Variants in FMN2 observed in about 807,000 individuals in gnomAD.
FMN2 encodes formin-2.
Under a neutral mutation model 142.3 loss-of-function variants are expected in FMN2, and 51 were observed. That is an observed-to-expected ratio of 0.36 (90% CI 0.29 to 0.45). The LOEUF is 0.45. Ranked by LOEUF, FMN2 falls within the 20% of genes least tolerant of loss-of-function variation. FMN2 has a pLI of 1.00. For missense variants in FMN2, 1,936 were observed against 2,122.8 expected, an observed-to-expected ratio of 0.91 and a Z score of 1.73; for synonymous variants, 882 against 869.8, an observed-to-expected ratio of 1.01 and a Z score of -0.25.
At position 240,473,721 on chromosome 1, in the gene FMN2, G is replaced by A. The variant is rs1279242788; in HGVS notation, c.5143-407G>A. 6.6e-6 allele frequency among the ~76,000 whole-genome samples: 1 copy of A among 152,064 alleles called. No individual in the cohort carries two copies. Among genetic ancestry groups the A allele is most frequent in the East Asian group, 1.9e-4 (1 of 5,184 alleles). On this transcript the variant is annotated intron_variant, in intron 17 of 17. Transcript: ENST00000319653. The surrounding 1 kb of genome is among the most constrained non-coding windows in gnomAD (Gnocchi z 4.3). Reference sequence around the variant, plus strand: ...TCTTATAACTGTATTGAATGTGGAGGAATAGTTACTTATTAGTGAACCTCA... The same window carrying A: ...TCTTATAACTGTATTGAATGTGGAGAAATAGTTACTTATTAGTGAACCTCA...
intron 16 of FMN2, among the ~76,000 whole-genome samples, chr1:240,448,633 T>C (rs1230526263): frequency 1.3e-5 from 2 of 152,004 alleles, no homozygotes; most frequent in African/African-American, 4.8e-5. Context: ...CTGGGAAACA[T>C]AGGGAGACCC....
chr1:240,201,860 T>C (rs1666137711), intron 4 of FMN2, among the ~76,000 whole-genome samples: 1 of 152,104 alleles, frequency 6.6e-6, no homozygotes, highest in Admixed American at 6.5e-5. Flanking sequence ...AATCAGGTGT[T>C]TTATGGGAAG....
chr1:240,144,271 G>C, intron 2 of FMN2: 2 of 1,603,080 alleles, frequency 1.2e-6, no homozygotes, highest in Non-Finnish European at 1.7e-6. Flanking sequence ...CCAGGTTCAT[G>C]CGGGCAGAGT....
chr1:240,464,374 AATTT>A (rs1193183554), intron 16 of FMN2, among the ~76,000 whole-genome samples: 1 of 152,118 alleles, frequency 6.6e-6, no homozygotes, highest in Non-Finnish European at 1.5e-5. Context: ...CCAGGGAATT[AATTT>A]GATTGGTCAA....
intron 1 of FMN2, among the ~76,000 whole-genome samples, chr1:240,103,659 C>G (rs2103180793): frequency 6.6e-6 from 1 of 152,090 alleles, no homozygotes; most frequent in Non-Finnish European, 1.5e-5. Context: ...TTATCTCTAC[C>G]CTTCCTAGTT....
In FMN2 at chr1:240,208,402, C is replaced by G; in HGVS notation, c.3590C>G (p.Pro1197Arg). The G allele has an allele frequency of 6.3e-7, 1 of 1,589,300 alleles. No individual in the cohort carries two copies. Among genetic ancestry groups the G allele is most frequent in the South Asian group, 1.1e-5 (1 of 90,170 alleles). ...CCTCTACCTGGAGTGGGAATACCTC[C>G]TCCGCCCCCTCTACCTGGTGCTGGG... ...PPPLPGVGIP[P>R]PPPLPGAGIP... is the part of the protein sequence containing the mutation. The change falls in exon 5 of 18, where the codon CCT becomes CGT. Residue 1197 changes from proline (P) to arginine (R), a missense_variant. This residue lies in a region of FMN2 where 259 missense variants were observed against 230.9 expected (regional missense o/e 1.12). Coordinates refer to ENST00000319653, the MANE Select transcript of FMN2 (RefSeq NM_020066.5).
chr1:240,242,757 A>G (rs74575566), intron 6 of FMN2, among the ~76,000 whole-genome samples: 1 of 152,154 alleles, frequency 6.6e-6, no homozygotes, highest in African/African-American at 2.4e-5. Flanking sequence ...AGACGCTTTC[A>G]CCCACACTAT....
chr1:240,396,601 G>A (rs759218852), intron 15 of FMN2, among the ~76,000 whole-genome samples: 3 of 152,064 alleles, frequency 2.0e-5, no homozygotes, highest in Non-Finnish European at 4.4e-5. Context: ...TTTTGAGCCC[G>A]TGATCCCCCT....
In FMN2 at chr1:240,472,867, C is replaced by A. The variant is rs369772206; in HGVS notation, c.5142+414C>A. Among the ~76,000 whole-genome samples the A allele has an allele frequency of 2.6e-5, 4 of 151,044 alleles. No homozygotes were observed. The East Asian group carries it at 5.8e-4, about 22-fold the overall frequency. On this transcript the variant is annotated intron_variant, in intron 17 of 17. Coordinates refer to ENST00000319653, the MANE Select transcript of FMN2 (RefSeq NM_020066.5). Reference sequence around the variant, plus strand: ...AGCTGAGGCAGAGGAATCGCTTGAACCTGGGAGGTGGAGATTGCAGTGAGC... The same window carrying A: ...AGCTGAGGCAGAGGAATCGCTTGAAACTGGGAGGTGGAGATTGCAGTGAGC...
At chr1:240,330,090 C>T (rs989491080) in intron 10 of FMN2, among the ~76,000 whole-genome samples, 32 of 152,152 alleles carry the variant, frequency 2.1e-4, no homozygotes, top group Non-Finnish European at 4.1e-4. Flanking sequence ...TCAAGTTAAA[C>T]ACAGTGTTTT....
intron 6 of FMN2, among the ~76,000 whole-genome samples, chr1:240,229,471 A>T (rs1667462418): frequency 6.6e-6 from 1 of 152,074 alleles, no homozygotes; most frequent in Admixed American, 6.6e-5. Flanking sequence ...GTATTGATTT[A>T]TTGGTGACAG....
intron 7 of FMN2, among the ~76,000 whole-genome samples, chr1:240,285,908 T>C (rs534189078): frequency 1.3e-5 from 2 of 152,118 alleles, no homozygotes; most frequent in Admixed American, 6.6e-5. Flanking sequence ...TTCCTTTTTT[T>C]CCCCCGCTCT....
chr1:240,314,005 G>A (rs896160622), intron 8 of FMN2, among the ~76,000 whole-genome samples: 1 of 152,054 alleles, frequency 6.6e-6, no homozygotes, highest in African/African-American at 2.4e-5. Flanking sequence ...TTAACATCCT[G>A]AAAAATATTT....
intron 15 of FMN2, among the ~76,000 whole-genome samples, chr1:240,398,328 A>G (rs1673858896): frequency 6.6e-6 from 1 of 152,208 alleles, no homozygotes; most frequent in East Asian, 1.9e-4. Context: ...TATTCACTGA[A>G]CAGATATCAC....
chr1:240,131,538 C>T (rs1177366475), intron 2 of FMN2, among the ~76,000 whole-genome samples: 1 of 151,980 alleles, frequency 6.6e-6, no homozygotes, highest in African/African-American at 2.4e-5. Context: ...GTGAAACCCC[C>T]GCCTCTACTA....
At chr1:240,213,324 C>G (rs1326319448) in intron 6 of FMN2, among the ~76,000 whole-genome samples, 1 of 152,176 alleles carries the variant, frequency 6.6e-6, no homozygotes, top group East Asian at 1.9e-4. Flanking sequence ...TCCATCATGA[C>G]TCCAGATAAA....
rs1012752481 is a variant in FMN2, at chr1:240,190,726, C to T, written c.1986+2464C>T. ...ATGGGTAATCACCCGATGCCAAAAT[C>T]GTCAGATGAATGAGATGAGATTCTA... On this transcript the variant is annotated intron_variant, in intron 4 of 17. Coordinates refer to ENST00000319653, the MANE Select transcript of FMN2 (RefSeq NM_020066.5). 2.6e-5 allele frequency among the ~76,000 whole-genome samples: 4 copies of T among 152,042 alleles called. No individual in the cohort carries two copies. In the East Asian group the frequency reaches 5.8e-4, roughly 22 times the overall value.
chr1:240,183,575 G>C lies in FMN2; in HGVS notation c.1931-4632G>C, dbSNP rs770713867. Reference sequence around the variant, plus strand: ...TACATGTATATATACACACACACATGCCTACATATAGTTTTCATAAAATTG... The same window carrying C: ...TACATGTATATATACACACACACATCCCTACATATAGTTTTCATAAAATTG... On this transcript the variant is annotated intron_variant, in intron 3 of 17. Coordinates refer to ENST00000319653, the MANE Select transcript of FMN2 (RefSeq NM_020066.5). Among the ~76,000 whole-genome samples the C allele has an allele frequency of 2.6e-5, 4 of 151,010 alleles. No individual in the cohort carries two copies. The East Asian group carries it at 5.8e-4, about 22-fold the overall frequency.
chr1:240,188,388 G>C, intron 4 of FMN2, 126 bp downstream of exon 4: 1 of 860,750 alleles, frequency 1.2e-6, no homozygotes, highest in Non-Finnish European at 1.8e-6. Flanking sequence ...CCCTAAGCCT[G>C]CAGTGGAATC....
Sources: allele counts gnomAD v4.1 joint callset (sites outside exome capture counted in the v4.1 genomes callset), GRCh38; gene constraint gnomAD v4.1.1; regional missense constraint gnomAD v4.1.1; non-coding constraint Gnocchi (gnomAD v3.1); transcripts MANE v1.5; gene names NCBI Gene and HGNC (gene_info 2026-07-23, HGNC 2026-07-21).